SENP7: variants seen among roughly 807,000 people sequenced by gnomAD.
The protein encoded by SENP7 is sentrin-specific protease 7.
In SENP7, 64 loss-of-function variants were observed where a neutral mutation model predicts 141.2. That is an observed-to-expected ratio of 0.45 (90% CI 0.37 to 0.56). The LOEUF is 0.56. Ranked by LOEUF, SENP7 falls within the 20% of genes least tolerant of loss-of-function variation. The probability of loss-of-function intolerance (pLI) is 0.00; values close to 1 mark genes in which losing one functional copy is unlikely to be tolerated. For synonymous variants in SENP7, 382 were observed against 426.4 expected (o/e 0.90, Z 1.28); for missense variants, 1,025 against 1,212.2 (o/e 0.85, Z 2.29).
chr3:101,484,149 C>A (rs79781120), intron 3 of SENP7, among the ~76,000 whole-genome samples: 11,143 of 152,170 alleles, frequency 0.073, 565 homozygotes, highest in Non-Finnish European at 0.12. Context: ...GCTTTTTAAA[C>A]ATGACACCAA....
chr3:101,332,106 A>T lies in SENP7; in HGVS notation c.2577T>A (p.Ser859=). 3 of 1,613,004 alleles carry T rather than the reference A, an allele frequency of 1.9e-6. No homozygotes were observed. Among genetic ancestry groups the T allele is most frequent in the Non-Finnish European group, 2.5e-6 (3 of 1,179,366 alleles). The change falls in exon 19 of 24, where the codon TCT becomes TCA. Residue 859 remains serine (S), a synonymous_variant. Transcript: ENST00000394095. ...AACAAATGACTGCGAGATACCAGTG[A>T]GACCTGTTGAAAAAGAACTACAATC... is the stretch of plus-strand genomic sequence containing the variant. ...DYIFVPVNES[S]HWYLAVICFP...
chr3:101,459,445 G>A (rs764862387), intron 3 of SENP7, among the ~76,000 whole-genome samples: 4 of 152,160 alleles, frequency 2.6e-5, no homozygotes, highest in Non-Finnish European at 5.9e-5. Flanking sequence ...CCTAGGAACT[G>A]CCATGTGGAA....
intron 3 of SENP7, among the ~76,000 whole-genome samples, 153 bp from the exon 4 acceptor site, chr3:101,459,205 C>T (rs2063467703): frequency 6.6e-6 from 1 of 152,110 alleles, no homozygotes; most frequent in Non-Finnish European, 1.5e-5. Context: ...ATATCTGGCT[C>T]TTTTACTAAT....
intron 3 of SENP7, among the ~76,000 whole-genome samples, chr3:101,471,871 C>T (rs2064010498): frequency 6.6e-6 from 1 of 152,182 alleles, no homozygotes; most frequent in South Asian, 2.1e-4. Flanking sequence ...CAAAAGAAGA[C>T]ATCTATGCAG....
chr3:101,357,495 A>C (rs1291769895), intron 11 of SENP7: 1 of 1,402,802 alleles, frequency 7.1e-7, no homozygotes, highest in African/African-American at 1.4e-5. Flanking sequence ...CATTTTGCCC[A>C]AGATCTTTGG....
intron 3 of SENP7, among the ~76,000 whole-genome samples, chr3:101,474,968 C>T (rs562679744): frequency 1.6e-4 from 24 of 152,256 alleles, no homozygotes; most frequent in African/African-American, 5.8e-4. Flanking sequence ...ATGCTGCCTA[C>T]AAGAAACTCA....
chr3:101,356,764 G>A (rs971019615), intron 11 of SENP7, among the ~76,000 whole-genome samples: 1 of 151,968 alleles, frequency 6.6e-6, no homozygotes, highest in African/African-American at 2.4e-5. Context: ...ACATTTGCAG[G>A]ACTCTTCTCC....
intron 19 of SENP7, among the ~76,000 whole-genome samples, chr3:101,330,949 A>G (rs1259936381): frequency 6.6e-6 from 1 of 152,188 alleles, no homozygotes; most frequent in Non-Finnish European, 1.5e-5. Flanking sequence ...TATTTACTTT[A>G]GATTTTGGCT....
intron 3 of SENP7, among the ~76,000 whole-genome samples, chr3:101,484,992 C>T (rs2064666494): frequency 6.6e-6 from 1 of 152,008 alleles, no homozygotes; most frequent in Non-Finnish European, 1.5e-5. Context: ...CAGCTTTCCC[C>T]CACTGCCCTG....
chr3:101,509,973 C>A (rs961203517), intron 1 of SENP7, among the ~76,000 whole-genome samples: 2 of 147,046 alleles, frequency 1.4e-5, no homozygotes, highest in South Asian at 4.2e-4. Flanking sequence ...ACTTAAAGAA[C>A]ATACGTTATC....
At position 101,417,698 on chromosome 3, in the gene SENP7, T is replaced by C. The variant is rs1559795109; in HGVS notation, c.377A>G (p.Asp126Gly). 1 of 1,613,976 alleles carries C rather than the reference T, an allele frequency of 6.2e-7. No individual in the cohort carries two copies. The highest frequency in any genetic ancestry group is 8.5e-7 in the Non-Finnish European group (1 of 1,179,832). ...TGAGTCTGATTGCACCTTGTTGGCA[T>C]CACATAAATTAGCATCGTTTCTAGG... ...TLPRNDANLC[D>G]ANKVQSDSLP... Residue 126 changes from aspartate (D) to glycine (G), a missense_variant, in exon 5 of 24, where the codon GAT becomes GGT. By Grantham distance (94) the Asp-to-Gly change is moderately conservative. Around this residue, in one of 4 missense-constraint regions of SENP7, gnomAD observed 496 missense variants for 503.5 expected, o/e 0.99. Coordinates refer to ENST00000394095, the MANE Select transcript of SENP7 (RefSeq NM_020654.5).
intron 4 of SENP7, among the ~76,000 whole-genome samples, chr3:101,419,386 C>T (rs376958542): frequency 1.3e-5 from 2 of 152,156 alleles, no homozygotes; most frequent in African/African-American, 4.8e-5. Flanking sequence ...CAGAGCTACA[C>T]TTTTAAAAGA....
intron 17 of SENP7, among the ~76,000 whole-genome samples, chr3:101,335,341 G>T (rs1280779836): frequency 6.6e-6 from 1 of 152,146 alleles, no homozygotes; most frequent in Non-Finnish European, 1.5e-5. Context: ...AGAGCCTTTT[G>T]ATGTGGATTT....
In SENP7 at chr3:101,417,685, C is replaced by A; in HGVS notation, c.390G>T (p.Val130=). The A allele has an allele frequency of 6.2e-7, 1 of 1,613,916 alleles. No homozygotes were observed. The highest frequency in any genetic ancestry group is 2.2e-5 in the East Asian group (1 of 44,854). Reference sequence around the variant, plus strand: ...ATGTCGAAGGCAATGAGTCTGATTGCACCTTGTTGGCATCACATAAATTAG... The same window carrying A: ...ATGTCGAAGGCAATGAGTCTGATTGAACCTTGTTGGCATCACATAAATTAG... ...NDANLCDANK[V]QSDSLPSTSV... The change falls in exon 5 of 24, where the codon GTG becomes GTT. Residue 130 remains valine, a synonymous_variant. Transcript: ENST00000394095.
intron 17 of SENP7, among the ~76,000 whole-genome samples, chr3:101,334,796 A>T (rs1333680783): frequency 6.6e-6 from 1 of 152,172 alleles, no homozygotes; most frequent in Non-Finnish European, 1.5e-5. Context: ...TGCTAACCTT[A>T]TTTGATTGAG....
chr3:101,454,974 A>G (rs1014326993), intron 4 of SENP7, among the ~76,000 whole-genome samples: 23 of 152,238 alleles, frequency 1.5e-4, no homozygotes, highest in Non-Finnish European at 2.5e-4. Context: ...TTGAATTAAA[A>G]TGGGTGAATT....
rs73865638 is a variant in SENP7 at position 101,463,495 on chromosome 3, T to C, written c.187-4443A>G. Among the ~76,000 whole-genome samples the C allele has an allele frequency of 9.7e-3, 1,452 of 148,938 alleles. 26 individuals carry two copies. The highest frequency in any genetic ancestry group is 0.034 in the African/African-American group (1,362 of 40,534). ...TTGAAATAAAATGGAATAAGAATAA[T>C]CTTCTCTGCTTCTCCCACTGAGTGC... On this transcript the variant is annotated intron_variant, in intron 3 of 23. Coordinates refer to ENST00000394095, the MANE Select transcript of SENP7 (RefSeq NM_020654.5).
At chr3:101,380,326 T>C (rs2060460481) in intron 6 of SENP7, among the ~76,000 whole-genome samples, 1 of 151,962 alleles carries the variant, frequency 6.6e-6, no homozygotes. Flanking sequence ...AGAACACAGA[T>C]ACTAATTAAC....
intron 12 of SENP7, 111 bp downstream of exon 12, chr3:101,351,507 T>A (rs2107272013): frequency 1.2e-6 from 1 of 863,984 alleles, no homozygotes; most frequent in Admixed American, 4.1e-5. Flanking sequence ...TTTTACTCCA[T>A]TTGGAATTGC....
Sources: allele counts gnomAD v4.1 joint callset (sites outside exome capture counted in the v4.1 genomes callset), GRCh38; gene constraint gnomAD v4.1.1; regional missense constraint gnomAD v4.1.1; transcripts MANE v1.5; gene names NCBI Gene and HGNC (gene_info 2026-07-23, HGNC 2026-07-21).